The following EQTN variants were observed in gnomAD, a reference collection of about 807,000 sequenced individuals.
EQTN encodes the protein Acrosome formation associated factor.
A neutral mutation model predicts 26.9 loss-of-function variants in EQTN; 29 were observed. The ratio of observed to expected loss-of-function variants is 1.08; its 90% CI spans 0.80 to 1.47. EQTN has a LOEUF of 1.47. Among genes scored for constraint, EQTN ranks in the 40% most tolerant of loss-of-function variants. EQTN has a pLI of 0.00. For missense variants in EQTN, 391 were observed against 346.1 expected, an observed-to-expected ratio of 1.13 and a Z score of -1.03; for synonymous variants, 129 against 120.0, an observed-to-expected ratio of 1.07 and a Z score of -0.49.
At chr9:27,290,714 T>C (rs992204768) in intron 5 of EQTN, among the ~76,000 whole-genome samples, 3 of 152,272 alleles carry the variant, frequency 2.0e-5, no homozygotes, top group Admixed American at 6.5e-5. Context: ...TGCTTTTGCA[T>C]GCACTGCTCC....
At chr9:27,292,225 G>C in intron 4 of EQTN, 176 bp downstream of exon 4, 1 of 385,836 alleles carries the variant, frequency 2.6e-6, no homozygotes, top group East Asian at 3.8e-5. Flanking sequence ...AGGTATACCT[G>C]AAGACTGACT....
Position 27,286,221 on chromosome 9 carries a change from A to C in EQTN, c.623T>G (p.Leu208Arg). The C allele has an allele frequency of 6.2e-7, 1 of 1,614,006 alleles. No homozygotes were observed. Residue 208 changes from leucine (L) to arginine (R), a missense_variant, in exon 7 of 8, where the codon CTG becomes CGG. Coordinates refer to ENST00000380032, the MANE Select transcript of EQTN (RefSeq NM_020641.3). ...TCTGCAGACTTACCTCAGATGCCTC[A>C]GTTTGTACAGTGTAGCACTACAGAA... ...LAFCSATLYK[L>R]RHLSYKSCES...
chr9:27,292,358 A>T, intron 4 of EQTN, 43 bp downstream of exon 4: 1 of 1,332,092 alleles, frequency 7.5e-7, no homozygotes, highest in Non-Finnish European at 1.1e-6. Context: ...AAGTCACATA[A>T]TGATATTCTC....
In EQTN at chr9:27,289,613, G is replaced by T. The variant is rs10114045; in HGVS notation, c.481+59C>A. ...GATCCACCTGCCTCAGCCTCCCAAA[G>T]TGCTGGGATTATAGGCATTAGCCAC... On this transcript the variant is annotated intron_variant, in intron 6 of 7. Transcript: ENST00000380032. 4.1e-4 allele frequency: 590 copies of T among 1,436,942 alleles called. 2 individuals carry two copies. The African/African-American group carries it at 6.9e-3, about 17-fold the overall frequency. 89.0% of individuals were successfully genotyped at this position (1,436,942 alleles called of 1,614,324 possible).
chr9:27,289,078 T>C (rs540791078), intron 6 of EQTN, among the ~76,000 whole-genome samples: 9 of 152,270 alleles, frequency 5.9e-5, no homozygotes, highest in African/African-American at 2.2e-4. Flanking sequence ...ATGCAAGACA[T>C]AGGGGAAACT....
In EQTN at chr9:27,294,385, TTTGTG is replaced by T. The variant is rs1325107805; in HGVS notation, c.215_219del (p.Thr72LysfsTer6). The T allele has an allele frequency of 4.3e-6, 7 of 1,609,348 alleles. No homozygotes were observed. The highest frequency in any genetic ancestry group is 5.9e-6 in the Non-Finnish European group (7 of 1,177,008). ...ATTTCAGACTCAGTGCCATTTGGAT[TTTGTG>T]TTGTGAACACATCTAAAAACAAAAG... On this transcript the variant is annotated frameshift_variant, in exon 3 of 8. Transcript: ENST00000380032. LOFTEE classifies it high-confidence loss of function.
intron 4 of EQTN, 42 bp downstream of exon 4, chr9:27,292,359 T>C (rs1293883668): frequency 1.1e-5 from 15 of 1,333,160 alleles, no homozygotes; most frequent in African/African-American, 1.5e-5. Flanking sequence ...AGTCACATAA[T>C]GATATTCTCC....
intron 1 of EQTN, 71 bp downstream of exon 1, chr9:27,296,902 GCCACATA>G (rs1817823969): frequency 1.3e-6 from 2 of 1,571,692 alleles, no homozygotes; most frequent in Admixed American, 4.0e-5. Flanking sequence ...GTAGAAAACT[GCCACATA>G]CCAATTTTTC....
rs924450515 is a variant in EQTN, at chr9:27,286,345, T to C, written c.499A>G (p.Thr167Ala). ...AGATCTGGCTGATTTTCTCCCTGTG[T>C]AGCATTCACATCAGACTCTGAAAAG... ...HPIPESDVNA[T>A]QGENQPDLED... The change falls in exon 7 of 8, where the codon ACA (threonine) becomes GCA (alanine). Residue 167 changes from threonine to alanine, a missense_variant. Physicochemically the swap from Thr to Ala is moderately conservative, Grantham distance 58. Transcript: ENST00000380032. 8.1e-6 allele frequency: 13 copies of C among 1,597,036 alleles called. No homozygotes were observed. In the African/African-American group the frequency reaches 1.6e-4, roughly 20 times the overall value.
Position 27,284,663 on chromosome 9 carries a change from C to A in EQTN, c.*60G>T. ...GACATAAAGAAAGGTCTTTTGATGA[C>A]AAAATAATTAAAGTTATTTATTCAT... On this transcript the variant is annotated 3_prime_UTR_variant, in exon 8 of 8. Coordinates refer to ENST00000380032, the MANE Select transcript of EQTN (RefSeq NM_020641.3). 3.2e-6 allele frequency: 5 copies of A among 1,538,524 alleles called. No individual in the cohort carries two copies. Among genetic ancestry groups the A allele is most frequent in the Non-Finnish European group, 4.4e-6 (5 of 1,142,310 alleles).
In EQTN at chr9:27,296,720, G is replaced by T. The variant is rs762419099; in HGVS notation, c.95C>A (p.Pro32His). The T allele has an allele frequency of 1.2e-6, 2 of 1,609,490 alleles. No homozygotes were observed. Among genetic ancestry groups the T allele is most frequent in the Middle Eastern group, 1.7e-4 (1 of 6,050 alleles). Reference protein sequence around the residue: ...PTIEALPNVLPLNEDVNKQEE... With the variant: ...PTIEALPNVLHLNEDVNKQEE... Reference sequence around the variant, plus strand: ...CTGCTTATTAACATCTTCATTTAAAGGTAGCACATTAGGCAATGCTAAAAA... The same window carrying T: ...CTGCTTATTAACATCTTCATTTAAATGTAGCACATTAGGCAATGCTAAAAA... Residue 32 changes from proline (P) to histidine (H), a missense_variant, in exon 2 of 8, where the codon CCT becomes CAT. Coordinates refer to ENST00000380032, the MANE Select transcript of EQTN (RefSeq NM_020641.3).
chr9:27,292,469 G>T lies in EQTN; in HGVS notation c.308C>A (p.Thr103Asn). ...TTCAATGGTGGATTTTTCATATGTAGTTGCATTGACAGTTTTATCTAGGAA... is the reference window on the plus strand; with the variant it reads ...TTCAATGGTGGATTTTTCATATGTATTTGCATTGACAGTTTTATCTAGGAA... Reference protein sequence around the residue: ...ALKNDKTVNATTYEKSTIEEE... With the variant: ...ALKNDKTVNANTYEKSTIEEE... The change falls in exon 4 of 8, where the codon ACT becomes AAT. Residue 103 changes from threonine to asparagine, a missense_variant. By Grantham distance (65) the Thr-to-Asn change is moderately conservative (BLOSUM62 0). Coordinates refer to ENST00000380032, the MANE Select transcript of EQTN (RefSeq NM_020641.3). 2 of 1,604,812 alleles carry T rather than the reference G, an allele frequency of 1.2e-6. No individual in the cohort carries two copies. The highest frequency in any genetic ancestry group is 1.7e-6 in the Non-Finnish European group (2 of 1,175,386).
chr9:27,291,175 C>A (rs1208371912), intron 4 of EQTN, 112 bp from the exon 5 acceptor site: 3 of 929,050 alleles, frequency 3.2e-6, no homozygotes, highest in African/African-American at 3.6e-5. Context: ...AAACTTTGAG[C>A]TCCTATAATG....
intron 5 of EQTN, among the ~76,000 whole-genome samples, chr9:27,290,726 A>G (rs938352529): frequency 3.3e-5 from 5 of 152,236 alleles, no homozygotes; most frequent in Admixed American, 6.5e-5. Context: ...CACTGCTCCA[A>G]ATACAAAGAT....
chr9:27,296,834 G>A (rs1820355278), intron 1 of EQTN, 96 bp from the exon 2 acceptor site: 6 of 1,563,924 alleles, frequency 3.8e-6, no homozygotes, highest in Admixed American at 2.2e-5. Flanking sequence ...AGGATTAGAG[G>A]CAGAGATTTA....
chr9:27,288,912 T>G (rs970900309), intron 6 of EQTN, among the ~76,000 whole-genome samples: 1 of 152,150 alleles, frequency 6.6e-6, no homozygotes, highest in Non-Finnish European at 1.5e-5. Flanking sequence ...CAGTGAAACT[T>G]TCGTATGATA....
chr9:27,295,790 C>T lies in EQTN; in HGVS notation c.202+823G>A, dbSNP rs1820325077. On this transcript the variant is annotated intron_variant, in intron 2 of 7. Coordinates refer to ENST00000380032, the MANE Select transcript of EQTN (RefSeq NM_020641.3). ...GAACTTGGAGCGAGCAGAGATTGCGCCACTGCACTCCAGCCTGGGCGACAG... is the reference window on the plus strand; with the variant it reads ...GAACTTGGAGCGAGCAGAGATTGCGTCACTGCACTCCAGCCTGGGCGACAG... Among the ~76,000 whole-genome samples, 4 of 138,564 alleles carry T rather than the reference C, an allele frequency of 2.9e-5. No individual in the cohort carries two copies. In the South Asian group the frequency reaches 9.3e-4, roughly 32 times the overall value. 90.9% of individuals were successfully genotyped at this position (138,564 alleles called of 152,430 possible). A position where few individuals can be genotyped will look rare whatever the true frequency, so the allele number is the denominator to read the frequency against.
chr9:27,296,475 G>C, intron 2 of EQTN, 138 bp downstream of exon 2: 1 of 608,824 alleles, frequency 1.6e-6, no homozygotes, highest in South Asian at 2.6e-5. Flanking sequence ...GCAAGGGTAT[G>C]AACAGGCAGG....
In EQTN at chr9:27,291,022, T is replaced by C; in HGVS notation, c.418A>G (p.Lys140Glu). ...NVPAFWTMLA[K>E]AINGTAVVMD... ...CTACCTAGCTGTATGACTTTACCTT[T>C]AGCTAACATTGTCCAAAATGCAGGC... The change falls in exon 5 of 8, where the codon AAA (lysine) becomes GAA (glutamate). Residue 140 changes from lysine (K) to glutamate (E), a missense_variant. Coordinates refer to ENST00000380032, the MANE Select transcript of EQTN (RefSeq NM_020641.3). The C allele has an allele frequency of 6.2e-7, 1 of 1,611,804 alleles. No homozygotes were observed. The highest frequency in any genetic ancestry group is 8.5e-7 in the Non-Finnish European group (1 of 1,179,396).
Sources: gnomAD v4.1 joint callset for allele counts (sites outside exome capture counted in the v4.1 genomes callset) on GRCh38, gnomAD v4.1.1 for gene constraint, MANE v1.5 for transcripts, NCBI Gene and HGNC (gene_info 2026-07-23, HGNC 2026-07-21) for gene names.